DEFB124: variants seen among roughly 807,000 people sequenced by gnomAD.
The protein encoded by DEFB124 is defensin beta 124, also known as beta-defensin 124.
For missense variants in DEFB124, 78 were observed against 83.1 expected, an observed-to-expected ratio of 0.94 and a Z score of 0.24; for synonymous variants, 38 against 36.5, an observed-to-expected ratio of 1.04 and a Z score of -0.15.
intron 1 of DEFB124, among the ~76,000 whole-genome samples, chr20:31,474,072 C>T (rs1980408250): frequency 6.6e-6 from 1 of 152,188 alleles, no homozygotes; most frequent in South Asian, 2.1e-4. Flanking sequence ...AATGATTCTG[C>T]AGAGAATAGG....
intron 2 of DEFB124, among the ~76,000 whole-genome samples, chr20:31,470,114 G>C (rs1980196661): frequency 7.5e-6 from 1 of 132,538 alleles, no homozygotes; most frequent in South Asian, 2.2e-4. Flanking sequence ...GGAGCGGCTG[G>C]CCGGGCAGCG....
At chr20:31,471,677 C>T (rs1011428778) in intron 2 of DEFB124, among the ~76,000 whole-genome samples, 5 of 149,138 alleles carry the variant, frequency 3.4e-5, no homozygotes, top group Non-Finnish European at 7.4e-5. Flanking sequence ...GGGCTCCTCA[C>T]TTCTCAGACG....
chr20:31,471,534 C>T (rs1344210549), intron 2 of DEFB124, among the ~76,000 whole-genome samples: 5 of 142,688 alleles, frequency 3.5e-5, no homozygotes, highest in African/African-American at 1.3e-4. Flanking sequence ...GCTGGCCGGG[C>T]AGGAGGCTGA....
chr20:31,470,311 C>A (rs1288933315), intron 2 of DEFB124, among the ~76,000 whole-genome samples: 1 of 144,656 alleles, frequency 6.9e-6, no homozygotes, highest in Non-Finnish European at 1.5e-5. Flanking sequence ...GGGTTCCTCA[C>A]TTCCCAGTAG....
intron 2 of DEFB124, among the ~76,000 whole-genome samples, chr20:31,466,377 A>G (rs1980082570): frequency 1.3e-5 from 2 of 151,760 alleles, no homozygotes; most frequent in Non-Finnish European, 2.9e-5. Flanking sequence ...AGGCGGGTGG[A>G]TCACCTGGGG....
chr20:31,473,521 G>A (rs1671653480), intron 1 of DEFB124, among the ~76,000 whole-genome samples: 1 of 152,126 alleles, frequency 6.6e-6, no homozygotes, highest in South Asian at 2.1e-4. Context: ...ATGTCATAGA[G>A]AGTAATAGCT....
At chr20:31,470,332 G>A (rs1248910758) in intron 2 of DEFB124, among the ~76,000 whole-genome samples, 2 of 142,500 alleles carry the variant, frequency 1.4e-5, no homozygotes, top group South Asian at 4.4e-4. Flanking sequence ...GGGCGGCCGG[G>A]CAGAGGCGCC....
intron 2 of DEFB124, among the ~76,000 whole-genome samples, chr20:31,467,211 C>T (rs1381405520): frequency 6.6e-6 from 1 of 152,208 alleles, no homozygotes; most frequent in East Asian, 1.9e-4. Context: ...CTGCATCTCT[C>T]TGGATTAAAA....
In DEFB124 at chr20:31,465,625, C is replaced by A; in HGVS notation, c.97G>T (p.Ala33Ser). The change falls in exon 3 of 3, where the codon GCC (alanine) becomes TCC (serine). Residue 33 changes from alanine to serine, a missense_variant. Physicochemically the swap from Ala to Ser is moderately conservative, Grantham distance 99. Transcript: ENST00000317676. ...EFKRCWKGQG[A>S]CQTYCTRQET... ...TGCCTTGTGCAGTAAGTTTGGCAGGCCCCTTGACCCTTCCAGCACCGTTTG... is the reference window on the plus strand; with the variant it reads ...TGCCTTGTGCAGTAAGTTTGGCAGGACCCTTGACCCTTCCAGCACCGTTTG... 6.2e-7 allele frequency: 1 copy of A among 1,614,092 alleles called. No individual in the cohort carries two copies. Among genetic ancestry groups the A allele is most frequent in the Non-Finnish European group, 8.5e-7 (1 of 1,180,030 alleles).
In DEFB124 at chr20:31,473,013, TGGCCACGG is replaced by T; in HGVS notation, c.-8_-1del. 4 of 1,614,036 alleles carry T rather than the reference TGGCCACGG, an allele frequency of 2.5e-6. No homozygotes were observed. Among genetic ancestry groups the T allele is most frequent in the Non-Finnish European group, 3.4e-6 (4 of 1,180,000 alleles). On this transcript the variant is annotated 5_prime_UTR_variant, in exon 2 of 3. Coordinates refer to ENST00000317676, the MANE Select transcript of DEFB124 (RefSeq NM_001037500.2). ...ACAAGGAACAGAAGCAGCTGTGTCA[TGGCCACGG>T]GGCTCCTGGGGAGGCTGCTGGAGAG...
chr20:31,466,205 A>T (rs1423563942), intron 2 of DEFB124, among the ~76,000 whole-genome samples: 1 of 152,190 alleles, frequency 6.6e-6, no homozygotes, highest in Non-Finnish European at 1.5e-5. Context: ...GCCACACACC[A>T]GGTACACATA....
chr20:31,471,458 A>G (rs369085487), intron 2 of DEFB124, among the ~76,000 whole-genome samples: 12,006 of 32,866 alleles, frequency 0.37, 2,568 homozygotes, highest in African/African-American at 0.65. Flanking sequence ...CGGGCGGGGG[A>G]CTGACCCCCC....
Position 31,474,763 on chromosome 20 carries a change from G to A in DEFB124, c.-162C>T, listed in dbSNP as rs1203027982. Among the ~76,000 whole-genome samples the A allele has an allele frequency of 6.6e-6, 1 of 152,152 alleles. No homozygotes were observed. The highest frequency in any genetic ancestry group is 1.5e-5 in the Non-Finnish European group (1 of 68,040). On this transcript the variant is annotated 5_prime_UTR_variant, in exon 1 of 3. Transcript: ENST00000317676. ...AAAATAAGATTTTCATAATTCTTCA[G>A]TGCAGACTTCCTGAGCTCTCTCTTC...
At chr20:31,470,059 C>A (rs1317511089) in intron 2 of DEFB124, among the ~76,000 whole-genome samples, 2 of 133,098 alleles carry the variant, frequency 1.5e-5, no homozygotes, top group African/African-American at 3.1e-5. Context: ...CCGGACGGGG[C>A]GGCTGGACGG....
Position 31,466,555 on chromosome 20 carries a change from G to A in DEFB124, c.59-892C>T, listed in dbSNP as rs1206715273. On this transcript the variant is annotated intron_variant, in intron 2 of 2. Coordinates refer to ENST00000317676, the MANE Select transcript of DEFB124 (RefSeq NM_001037500.2). ...GCGGAGGCTGCAGTGAGCCAAGTTC[G>A]TGCCACTGCACTGCAGCCTTGGCGA... Among the ~76,000 whole-genome samples the A allele has an allele frequency of 2.7e-5, 4 of 148,532 alleles. No homozygotes were observed. The East Asian group carries it at 5.8e-4, about 22-fold the overall frequency.
intron 2 of DEFB124, among the ~76,000 whole-genome samples, chr20:31,469,379 T>C (rs1980166094): frequency 6.6e-6 from 1 of 152,084 alleles, no homozygotes; most frequent in Non-Finnish European, 1.5e-5. Flanking sequence ...GCTGAGATCA[T>C]GCCATTGCAC....
At position 31,473,116 on chromosome 20, in the gene DEFB124, T is replaced by G. The variant is rs1387013019; in HGVS notation, c.-25-78A>C. The G allele has an allele frequency of 3.0e-6, 4 of 1,330,902 alleles. No homozygotes were observed. The African/African-American group carries it at 4.4e-5, about 15-fold the overall frequency. The allele number at this position is 1,330,902 out of a possible 1,614,324, so 82.4% of individuals were successfully genotyped here. ...AGCCCAGGCTTTATTGAGCTGCAGA[T>G]GAAGGCAGTGCTGTGGGCAGCAGGC... is the stretch of plus-strand genomic sequence containing the variant. On this transcript the variant is annotated intron_variant, in intron 1 of 2. Coordinates refer to ENST00000317676, the MANE Select transcript of DEFB124 (RefSeq NM_001037500.2).
intron 2 of DEFB124, among the ~76,000 whole-genome samples, chr20:31,471,225 G>A (rs1279671232): frequency 7.2e-6 from 1 of 138,560 alleles, no homozygotes; most frequent in Non-Finnish European, 1.6e-5. Flanking sequence ...TGGCTAGCCA[G>A]GCAGAGGGGC....
chr20:31,474,377 G>T (rs1980416807), intron 1 of DEFB124, among the ~76,000 whole-genome samples: 1 of 152,232 alleles, frequency 6.6e-6, no homozygotes, highest in African/African-American at 2.4e-5. Flanking sequence ...TTCTGTATCA[G>T]CTCCAAGACC....
Sources: allele counts gnomAD v4.1 joint callset (sites outside exome capture counted in the v4.1 genomes callset), GRCh38; gene constraint gnomAD v4.1.1; transcripts MANE v1.5; gene names NCBI Gene and HGNC (gene_info 2026-07-23, HGNC 2026-07-21).